Variants in SPOPL observed in about 807,000 individuals in gnomAD.
SPOPL encodes speckle type BTB/POZ protein like.
In SPOPL, 23 loss-of-function variants were observed where a neutral mutation model predicts 53.8. That is an observed-to-expected ratio of 0.43 (90% CI 0.31 to 0.61). SPOPL has a LOEUF of 0.61. Among genes scored for constraint, SPOPL ranks in the 20% least tolerant of loss-of-function variants. SPOPL has a pLI of 0.12. For synonymous variants in SPOPL, 164 were observed against 149.7 expected, an observed-to-expected ratio of 1.10 and a Z score of -0.70; for missense variants, 442 against 466.9, an observed-to-expected ratio of 0.95 and a Z score of 0.49.
rs1476773223 is a variant in SPOPL, at chr2:138,571,850, CT to C, written c.*2774del. ...ACACTTAGAAATACTATATTTGTGC[CT>C]TTTCATTTTTAATTTTAATGTGTGT... On this transcript the variant is annotated 3_prime_UTR_variant, in exon 11 of 11. Coordinates refer to ENST00000280098, the MANE Select transcript of SPOPL (RefSeq NM_001001664.3). 1 of 152,440 alleles carries C rather than the reference CT, an allele frequency of 6.6e-6. No homozygotes were observed. Among genetic ancestry groups the C allele is most frequent in the African/African-American group, 2.4e-5 (1 of 41,370 alleles). The allele number at this position is 152,440 out of a possible 1,614,324, so 9.4% of individuals were successfully genotyped here.
At position 138,569,035 on chromosome 2, in the gene SPOPL, G is replaced by A; in HGVS notation, c.1134G>A (p.Gln378=). ...AEAFRALASA[Q]CPQFGIPRKR... ...CCTTTCGAGCACTAGCATCTGCACAGTGTCCACAGTTTGGCATTCCACGCA... is the reference window on the plus strand; with the variant it reads ...CCTTTCGAGCACTAGCATCTGCACAATGTCCACAGTTTGGCATTCCACGCA... Residue 378 remains glutamine (Q), a synonymous_variant, in exon 11 of 11, where the codon CAG becomes CAA. Coordinates refer to ENST00000280098, the MANE Select transcript of SPOPL (RefSeq NM_001001664.3). The A allele has an allele frequency of 6.2e-7, 1 of 1,613,974 alleles. No homozygotes were observed. Among genetic ancestry groups the A allele is most frequent in the Non-Finnish European group, 8.5e-7 (1 of 1,179,922 alleles).
chr2:138,529,537 T>TGCGCAC (rs1377479258), intron 1 of SPOPL, among the ~76,000 whole-genome samples: 1 of 100,030 alleles, frequency 1.0e-5, no homozygotes, highest in African/African-American at 3.6e-5. Flanking sequence ...TGTGTGTGTT[T>TGCGCAC]GCGTGCGCGC....
At chr2:138,568,252 A>C (rs1573914179) in intron 10 of SPOPL, among the ~76,000 whole-genome samples, 2 of 152,156 alleles carry the variant, frequency 1.3e-5, no homozygotes, top group African/African-American at 4.8e-5. Flanking sequence ...TTCAAACCTT[A>C]AAATAAGGTT....
intron 1 of SPOPL, among the ~76,000 whole-genome samples, chr2:138,507,343 C>A (rs1558859328): frequency 6.6e-6 from 1 of 152,130 alleles, no homozygotes; most frequent in Non-Finnish European, 1.5e-5. Context: ...TAAATACTCA[C>A]TATTTATCAG....
intron 5 of SPOPL, among the ~76,000 whole-genome samples, chr2:138,555,919 A>G (rs1475831049): frequency 2.0e-5 from 3 of 152,106 alleles, no homozygotes; most frequent in Non-Finnish European, 4.4e-5. Context: ...CTTTGACCTC[A>G]GGAAAGAATC....
chr2:138,530,799 T>G (rs2104873245), intron 1 of SPOPL, among the ~76,000 whole-genome samples: 1 of 152,214 alleles, frequency 6.6e-6, no homozygotes, highest in South Asian at 2.1e-4. Context: ...ATTCTTATGC[T>G]TTTCATTTAT....
chr2:138,568,497 G>T (rs1490072398), intron 10 of SPOPL, among the ~76,000 whole-genome samples: 1 of 152,130 alleles, frequency 6.6e-6, no homozygotes, highest in Non-Finnish European at 1.5e-5. Context: ...TTAGCAAATC[G>T]GTAGTTAACA....
chr2:138,518,402 C>G (rs1040568037), intron 1 of SPOPL, among the ~76,000 whole-genome samples: 5 of 152,146 alleles, frequency 3.3e-5, no homozygotes, highest in Admixed American at 1.3e-4. Flanking sequence ...TGTAATACTC[C>G]TGTAATATGA....
At chr2:138,547,825 A>T (rs1312412535) in intron 1 of SPOPL, among the ~76,000 whole-genome samples, 5 of 152,118 alleles carry the variant, frequency 3.3e-5, no homozygotes, top group Non-Finnish European at 7.4e-5. Flanking sequence ...ACCTCTATAT[A>T]CTATTTATAT....
chr2:138,546,243 A>G (rs149939046), intron 1 of SPOPL, among the ~76,000 whole-genome samples: 269 of 152,348 alleles, frequency 1.8e-3, no homozygotes, highest in African/African-American at 6.3e-3. Context: ...AGGAAATATC[A>G]CACTTGAAAT....
intron 1 of SPOPL, among the ~76,000 whole-genome samples, chr2:138,535,704 A>AT (rs568810244): frequency 1.3e-4 from 19 of 151,280 alleles, no homozygotes; most frequent in Non-Finnish European, 2.4e-4. Flanking sequence ...GTTTTCAGCC[A>AT]TTTTTTTTAG....
At chr2:138,545,224 C>T (rs969387454) in intron 1 of SPOPL, among the ~76,000 whole-genome samples, 2 of 152,098 alleles carry the variant, frequency 1.3e-5, no homozygotes, top group East Asian at 1.9e-4. Context: ...CCATCTTGCT[C>T]TCTTTGGTAC....
In SPOPL at chr2:138,519,198, G is replaced by T. The variant is rs79007780; in HGVS notation, c.-61+17079G>T. Among the ~76,000 whole-genome samples the T allele has an allele frequency of 2.8e-4, 43 of 152,188 alleles. No individual in the cohort carries two copies. The East Asian group carries it at 7.1e-3, about 25-fold the overall frequency. ...TATTTTTGGTGCTTTATTTTAGAAG[G>T]CATTAAATTATGTACTGTTTTGTAA... is the stretch of plus-strand genomic sequence containing the variant. On this transcript the variant is annotated intron_variant, in intron 1 of 10. Coordinates refer to ENST00000280098, the MANE Select transcript of SPOPL (RefSeq NM_001001664.3).
At chr2:138,518,932 C>T (rs1003033288) in intron 1 of SPOPL, among the ~76,000 whole-genome samples, 9 of 152,188 alleles carry the variant, frequency 5.9e-5, no homozygotes, top group African/African-American at 2.2e-4. Context: ...TATATTGATA[C>T]TCATATGAAT....
intron 1 of SPOPL, among the ~76,000 whole-genome samples, chr2:138,538,751 T>C (rs905005451): frequency 3.9e-5 from 6 of 152,148 alleles, no homozygotes; most frequent in Non-Finnish European, 2.9e-5. Flanking sequence ...TCTTTTTTTT[T>C]TTTCTTTTTA....
intron 1 of SPOPL, among the ~76,000 whole-genome samples, chr2:138,543,849 T>C (rs1386070102): frequency 1.3e-5 from 2 of 152,188 alleles, no homozygotes; most frequent in Non-Finnish European, 2.9e-5. Context: ...CTCTGTTTTT[T>C]CCCCATCTTT....
chr2:138,560,047 T>C (rs1685511197), intron 7 of SPOPL, among the ~76,000 whole-genome samples: 1 of 152,224 alleles, frequency 6.6e-6, no homozygotes, highest in South Asian at 2.1e-4. Flanking sequence ...TGTCATATAC[T>C]ATTGACATCA....
At chr2:138,542,006 T>C (rs1685082777) in intron 1 of SPOPL, among the ~76,000 whole-genome samples, 1 of 152,228 alleles carries the variant, frequency 6.6e-6, no homozygotes, top group Non-Finnish European at 1.5e-5. Flanking sequence ...CCAGTAGTCA[T>C]TAAGGAGCAG....
At chr2:138,532,458 G>A (rs996764973) in intron 1 of SPOPL, among the ~76,000 whole-genome samples, 6 of 113,538 alleles carry the variant, frequency 5.3e-5, no homozygotes, top group African/African-American at 6.8e-5. Context: ...ATAGAATCTC[G>A]CTCTGTCGCT....
Sources: allele counts gnomAD v4.1 joint callset (sites outside exome capture counted in the v4.1 genomes callset), GRCh38; gene constraint gnomAD v4.1.1; transcripts MANE v1.5; gene names NCBI Gene and HGNC (gene_info 2026-07-23, HGNC 2026-07-21).